The following KCNAB2 variants were observed in gnomAD, a reference collection of about 807,000 sequenced individuals.
KCNAB2 encodes voltage-gated potassium channel subunit beta-2.
Under a neutral mutation model 63.6 loss-of-function variants are expected in KCNAB2, and 29 were observed. The observed-to-expected ratio is 0.46, with a 90% CI of 0.34 to 0.62. The LOEUF (loss-of-function observed/expected upper bound fraction) is 0.62. Ranked by LOEUF, KCNAB2 falls within the 20% of genes least tolerant of loss-of-function variation. KCNAB2 has a pLI of 0.01. For synonymous variants in KCNAB2, 222 were observed against 224.2 expected (o/e 0.99, Z 0.09); for missense variants, 359 against 563.9 (o/e 0.64, Z 3.68).
chr1:6,051,893 C>T (rs1221217819), intron 2 of KCNAB2, 139 bp downstream of exon 2: 1 of 1,024,150 alleles, frequency 9.8e-7, no homozygotes, highest in Admixed American at 3.0e-5. Context: ...CACCTGAGAT[C>T]AGGAGCTCGA....
chr1:6,015,323 C>T (rs1658431627), intron 1 of KCNAB2, among the ~76,000 whole-genome samples: 1 of 152,192 alleles, frequency 6.6e-6, no homozygotes, highest in South Asian at 2.1e-4. Context: ...AGCCCCTGTG[C>T]CTGGCCTCAC....
chr1:6,067,962 C>G (rs761362102), intron 2 of KCNAB2, among the ~76,000 whole-genome samples: 3 of 152,140 alleles, frequency 2.0e-5, no homozygotes, highest in Non-Finnish European at 4.4e-5. Flanking sequence ...ACTCAGGAGG[C>G]AGAGGTTGCA....
In KCNAB2 at chr1:6,096,245, G is replaced by T; in HGVS notation, c.949-391G>T. On this transcript the variant is annotated intron_variant, in intron 13 of 15. Coordinates refer to ENST00000378083, the MANE Select transcript of KCNAB2 (RefSeq NM_001199862.2). This position sits in a 1 kb window ranked among gnomAD's most constrained non-coding sequence, Gnocchi z 5.9. Reference sequence around the variant, plus strand: ...CAGGAGGCCCTGCAATCCTCTGGGGGGGATGGCCAGGGGAGAGAGCACTCC... The same window carrying T: ...CAGGAGGCCCTGCAATCCTCTGGGGTGGATGGCCAGGGGAGAGAGCACTCC... 2 of 432,138 alleles carry T rather than the reference G, an allele frequency of 4.6e-6. No homozygotes were observed. The highest frequency in any genetic ancestry group is 3.3e-5 in the South Asian group (2 of 60,688). The allele number at this position is 432,138 out of a possible 1,614,324, so 26.8% of individuals were successfully genotyped here.
chr1:6,089,093 G>C, intron 8 of KCNAB2, 42 bp downstream of exon 8: 1 of 1,540,706 alleles, frequency 6.5e-7, no homozygotes, highest in Non-Finnish European at 8.8e-7. Flanking sequence ...CATACCTGTG[G>C]GATCATCCTC....
intron 2 of KCNAB2, among the ~76,000 whole-genome samples, chr1:6,067,923 T>C (rs12068559): frequency 0.92 from 139,991 of 152,204 alleles, 64,579 homozygotes; most frequent in East Asian, 1. Context: ...CCCAACTACT[T>C]GGGAGGCTGA....
chr1:6,059,258 A>G (rs1215420515), intron 2 of KCNAB2, among the ~76,000 whole-genome samples: 1 of 152,078 alleles, frequency 6.6e-6, no homozygotes, highest in South Asian at 2.1e-4. Context: ...TGGTGCAATC[A>G]TAGCTCACTG....
rs1659045790 is a variant in KCNAB2, at chr1:6,024,885, C to G, written c.-52-15632C>G. ...GGTTCCAGCTTTGCCACTAATTTCA[C>G]CAAGCGACCTTGGATGTTATTTAAT... On this transcript the variant is annotated intron_variant, in intron 1 of 16. Transcript: ENST00000341524. The surrounding 1 kb of genome is among the most constrained non-coding windows in gnomAD (Gnocchi z 5.4). 6.6e-6 allele frequency among the ~76,000 whole-genome samples: 1 copy of G among 152,176 alleles called. No individual in the cohort carries two copies. Among genetic ancestry groups the G allele is most frequent in the African/African-American group, 2.4e-5 (1 of 41,430 alleles).
At chr1:6,041,342 C>T (rs1381761968), upstream of KCNAB2, 1 of 175,484 alleles carries the variant, frequency 5.7e-6, no homozygotes, top group African/African-American at 2.4e-5. Context: ...TCCGGATAAT[C>T]ACTGGGGCCT....
upstream of KCNAB2, among the ~76,000 whole-genome samples, chr1:6,030,678 G>A (rs906476940): frequency 2.0e-5 from 3 of 151,174 alleles, no homozygotes; most frequent in African/African-American, 4.9e-5. Context: ...GTGTGTGTAT[G>A]TGTGTTTGTG....
At chr1:6,082,096 C>T (rs1473345117) in intron 4 of KCNAB2, 99 bp from the exon 5 acceptor site, 1 of 987,344 alleles carries the variant, frequency 1.0e-6, no homozygotes, top group Non-Finnish European at 1.6e-6. Flanking sequence ...GAGGGCAGGG[C>T]CTGGACACGG....
At chr1:6,054,475 C>CA (rs1570970699) in intron 2 of KCNAB2, among the ~76,000 whole-genome samples, 1 of 152,134 alleles carries the variant, frequency 6.6e-6, no homozygotes, top group African/African-American at 2.4e-5. Flanking sequence ...ACTAAAAATA[C>CA]AAAAATTAAC....
intron 1 of KCNAB2, among the ~76,000 whole-genome samples, chr1:5,998,667 C>G (rs1449081273): frequency 6.6e-6 from 1 of 152,168 alleles, no homozygotes; most frequent in Non-Finnish European, 1.5e-5. Context: ...TCTGCTGCAT[C>G]CGGTGGGCCA....
At chr1:6,001,606 A>G (rs974478190) in intron 1 of KCNAB2, among the ~76,000 whole-genome samples, 12 of 152,182 alleles carry the variant, frequency 7.9e-5, no homozygotes, top group African/African-American at 2.7e-4. Flanking sequence ...CTGTGTGAGC[A>G]GCAGGAGAGG....
chr1:6,002,790 GC>G (rs1557918776), intron 1 of KCNAB2, among the ~76,000 whole-genome samples: 1 of 152,070 alleles, frequency 6.6e-6, no homozygotes, highest in Admixed American at 6.5e-5. Context: ...GAGAGCGGCT[GC>G]CCCCCTGCAG....
At chr1:6,030,001 T>A (rs1375279770), upstream of KCNAB2, among the ~76,000 whole-genome samples, 1 of 152,238 alleles carries the variant, frequency 6.6e-6, no homozygotes. Flanking sequence ...TCAAATTTTT[T>A]GTACTCCAGA....
chr1:6,054,254 C>T (rs900753028), intron 2 of KCNAB2, among the ~76,000 whole-genome samples: 4 of 151,948 alleles, frequency 2.6e-5, no homozygotes, highest in African/African-American at 7.3e-5. Context: ...TCGGTGTTAC[C>T]GGTGGAGGGT....
At chr1:6,013,336 G>A (rs974271223) in intron 1 of KCNAB2, among the ~76,000 whole-genome samples, 4 of 152,080 alleles carry the variant, frequency 2.6e-5, no homozygotes, top group Admixed American at 2.0e-4. Context: ...CACTTGTGAC[G>A]CTCAGAGCTC....
intron 4 of KCNAB2, among the ~76,000 whole-genome samples, chr1:6,077,914 G>GT (rs1418578149): frequency 2.0e-5 from 3 of 152,234 alleles, no homozygotes; most frequent in Non-Finnish European, 2.9e-5. Context: ...TGTGGCTGCT[G>GT]TAACAAATAG....
At chr1:6,084,616 G>C (rs368238086) in intron 5 of KCNAB2, among the ~76,000 whole-genome samples, 2 of 152,176 alleles carry the variant, frequency 1.3e-5, no homozygotes, top group Non-Finnish European at 2.9e-5. Context: ...AGGAGTTCGA[G>C]ACCAGCCTGG....
Sources: allele counts gnomAD v4.1 joint callset (sites outside exome capture counted in the v4.1 genomes callset), GRCh38; gene constraint gnomAD v4.1.1; non-coding constraint Gnocchi (gnomAD v3.1); transcripts MANE v1.5; gene names NCBI Gene and HGNC (gene_info 2026-07-23, HGNC 2026-07-21).